LINGO2: variants seen among roughly 807,000 people sequenced by gnomAD.
The protein encoded by LINGO2 is leucine rich repeat and Ig domain containing 2.
Under a neutral mutation model 30.6 loss-of-function variants are expected in LINGO2, and 14 were observed. The observed-to-expected ratio is 0.46, with a 90% CI of 0.30 to 0.72. The LOEUF is 0.72. Ranked by LOEUF, LINGO2 falls within the 30% of genes least tolerant of loss-of-function variation. The pLI is 0.07. For missense variants in LINGO2, 729 were observed against 751.7 expected (o/e 0.97, Z 0.35); for synonymous variants, 317 against 288.5 (o/e 1.10, Z -1.00).
At chr9:29,087,626 T>A in the LINGO2 span, among the ~76,000 whole-genome samples, 2 of 152,164 alleles carry the variant, frequency 1.3e-5, no homozygotes, top group Non-Finnish European at 2.9e-5. Context: ...AAATGTCTTA[T>A]CTCTTAATCT....
the LINGO2 span, among the ~76,000 whole-genome samples, chr9:28,769,496 ATATATATATATATATATATATATTTT>A: frequency 9.2e-5 from 2 of 21,702 alleles, no homozygotes; most frequent in African/African-American, 7.3e-4. Flanking sequence ...ATATATATAT[ATATATATATATATATATATATATTTT>A]TTTTTTTTTT....
chr9:28,452,625 T>C (rs940015975), intron 2 of LINGO2, among the ~76,000 whole-genome samples: 6 of 151,872 alleles, frequency 4.0e-5, no homozygotes, highest in African/African-American at 1.4e-4. Flanking sequence ...TTGTGGATAA[T>C]AGCAATAAAA....
At chr9:28,441,452 A>G (rs1824196405) in intron 2 of LINGO2, among the ~76,000 whole-genome samples, 1 of 149,626 alleles carries the variant, frequency 6.7e-6, no homozygotes, top group African/African-American at 2.5e-5. Flanking sequence ...CCCATACTTC[A>G]TGTTAGTTCT....
At chr9:28,632,034 T>A (rs1826966159) in intron 1 of LINGO2, among the ~76,000 whole-genome samples, 1 of 152,064 alleles carries the variant, frequency 6.6e-6, no homozygotes, top group Non-Finnish European at 1.5e-5. Context: ...GATGTCAACA[T>A]CCAGTGTTGC....
intron 4 of LINGO2, among the ~76,000 whole-genome samples, chr9:28,055,915 C>T (rs940754236): frequency 3.9e-5 from 6 of 152,098 alleles, no homozygotes; most frequent in Non-Finnish European, 7.4e-5. Flanking sequence ...GATTACTTCT[C>T]GAGACCCTCA....
At chr9:28,031,791 A>G (rs1823687642) in intron 4 of LINGO2, among the ~76,000 whole-genome samples, 1 of 152,234 alleles carries the variant, frequency 6.6e-6, no homozygotes, top group Non-Finnish European at 1.5e-5. Context: ...CAGAACACAC[A>G]CTTGTCTATC....
chr9:28,876,048 C>CT, the LINGO2 span, among the ~76,000 whole-genome samples: 1 of 151,986 alleles, frequency 6.6e-6, no homozygotes, highest in African/African-American at 2.4e-5. Context: ...CCCTTTCACT[C>CT]CGAGTATTTT....
chr9:28,649,040 T>C (rs1012399472), intron 1 of LINGO2, among the ~76,000 whole-genome samples: 17 of 152,106 alleles, frequency 1.1e-4, no homozygotes, highest in Non-Finnish European at 2.4e-4. Context: ...GGCATAAGTG[T>C]GTCCTATTTC....
intron 1 of LINGO2, among the ~76,000 whole-genome samples, chr9:28,573,260 A>C (rs1477464767): frequency 6.6e-6 from 1 of 152,190 alleles, no homozygotes; most frequent in Non-Finnish European, 1.5e-5. Flanking sequence ...TTCAGAAAAT[A>C]ATCCAGATTA....
intron 5 of LINGO2, among the ~76,000 whole-genome samples, chr9:27,981,533 G>GGAAAAAAAAAAAAA (rs1820854397): frequency 3.4e-5 from 1 of 29,626 alleles, no homozygotes; most frequent in Non-Finnish European, 6.7e-5. Context: ...GACGAGGATG[G>GGAAAAAAAAAAAAA]CAAAAAAAAA....
At chr9:28,108,798 G>A (rs1826675787) in intron 4 of LINGO2, among the ~76,000 whole-genome samples, 1 of 152,098 alleles carries the variant, frequency 6.6e-6, no homozygotes, top group Non-Finnish European at 1.5e-5. Context: ...TCTACCCTGA[G>A]AGATAAATAT....
the LINGO2 span, among the ~76,000 whole-genome samples, chr9:28,682,888 T>C: frequency 6.6e-6 from 1 of 152,126 alleles, no homozygotes; most frequent in African/African-American, 2.4e-5. Context: ...TTTATTATTT[T>C]TAAAACACAG....
At chr9:28,899,475 A>T in the LINGO2 span, among the ~76,000 whole-genome samples, 1 of 152,014 alleles carries the variant, frequency 6.6e-6, no homozygotes, top group African/African-American at 2.4e-5. Context: ...CAGACTGACC[A>T]CAGCACCAGG....
chr9:28,332,997 AATGAAAGTGTT>A (rs1242861910), intron 3 of LINGO2, among the ~76,000 whole-genome samples: 5 of 152,132 alleles, frequency 3.3e-5, no homozygotes, highest in African/African-American at 9.7e-5. Flanking sequence ...TTAACAAGAA[AATGAAAGTGTT>A]ATGATTCAGA....
At chr9:29,181,903 A>C in the LINGO2 span, among the ~76,000 whole-genome samples, 1 of 152,316 alleles carries the variant, frequency 6.6e-6, no homozygotes, top group Non-Finnish European at 1.5e-5. Context: ...AAGTCAGGTT[A>C]AAGAAAGAAA....
chr9:29,045,251 G>T, the LINGO2 span, among the ~76,000 whole-genome samples: 2 of 152,016 alleles, frequency 1.3e-5, no homozygotes, highest in Non-Finnish European at 2.9e-5. Flanking sequence ...TTTATCTCTG[G>T]AATGTTCCGT....
rs907011321 is a variant in LINGO2 at position 28,068,305 on chromosome 9, C to A, written c.-86-55900G>T. Among the ~76,000 whole-genome samples the A allele has an allele frequency of 3.9e-5, 6 of 152,108 alleles. No homozygotes were observed. In the South Asian group the frequency reaches 1.2e-3, roughly 32 times the overall value. Reference sequence around the variant, plus strand: ...GGTAGGTTTCTTTTTAAGACCTCTTCTCTTGTCTTATAGGGAGCCACCATC... The same window carrying A: ...GGTAGGTTTCTTTTTAAGACCTCTTATCTTGTCTTATAGGGAGCCACCATC... On this transcript the variant is annotated intron_variant, in intron 4 of 5. Transcript: ENST00000379992.
intron 5 of LINGO2, among the ~76,000 whole-genome samples, chr9:27,969,248 C>T (rs1176264757): frequency 6.6e-6 from 1 of 151,936 alleles, no homozygotes; most frequent in African/African-American, 2.4e-5. Flanking sequence ...TTAACTTAGC[C>T]ACTTCAGGAG....
chr9:28,984,934 A>G, the LINGO2 span, among the ~76,000 whole-genome samples: 1 of 152,022 alleles, frequency 6.6e-6, no homozygotes, highest in East Asian at 1.9e-4. Context: ...CACTATATTC[A>G]CCACATTATG....
Sources: allele counts gnomAD v4.1 joint callset (sites outside exome capture counted in the v4.1 genomes callset), GRCh38; gene constraint gnomAD v4.1.1; transcripts MANE v1.5; gene names NCBI Gene and HGNC (gene_info 2026-07-23, HGNC 2026-07-21).